The following RNF157 variants were observed in gnomAD, a reference collection of about 807,000 sequenced individuals.
The protein encoded by RNF157 is ring finger protein 157, also known as E3 ubiquitin ligase RNF157.
A neutral mutation model predicts 88.3 loss-of-function variants in RNF157; 55 were observed. That is an observed-to-expected ratio of 0.62 (90% CI 0.50 to 0.78). The LOEUF is 0.78. Ranked by LOEUF, RNF157 falls within the 30% of genes least tolerant of loss-of-function variation. The pLI is 0.00. For missense variants in RNF157, 788 were observed against 860.8 expected (o/e 0.92, Z 1.06); for synonymous variants, 334 against 341.2 (o/e 0.98, Z 0.23).
At chr17:76,198,145 G>A (rs1306801961) in intron 2 of RNF157, among the ~76,000 whole-genome samples, 2 of 152,218 alleles carry the variant, frequency 1.3e-5, no homozygotes, top group Non-Finnish European at 2.9e-5. Flanking sequence ...CCTGCAAAGA[G>A]AGGAGAGGGC....
chr17:76,213,622 T>G (rs112795063), intron 1 of RNF157, among the ~76,000 whole-genome samples: 36 of 152,108 alleles, frequency 2.4e-4, no homozygotes, highest in African/African-American at 8.7e-4. Flanking sequence ...CTTTTTTTTT[T>G]GTCTTTACAT....
At chr17:76,215,011 A>T (rs1242135118) in intron 1 of RNF157, among the ~76,000 whole-genome samples, 2 of 152,148 alleles carry the variant, frequency 1.3e-5, no homozygotes, top group Non-Finnish European at 2.9e-5. Context: ...CACATCCCAT[A>T]ATATACCTTT....
Position 76,161,756 on chromosome 17 carries a change from CCAG to C in RNF157, c.952+84_952+86del. The C allele has an allele frequency of 1.3e-6, 2 of 1,549,594 alleles. No individual in the cohort carries two copies. The highest frequency in any genetic ancestry group is 1.8e-6 in the Non-Finnish European group (2 of 1,132,150). On this transcript the variant is annotated intron_variant, in intron 10 of 18. Coordinates refer to ENST00000269391, the MANE Select transcript of RNF157 (RefSeq NM_052916.3). The surrounding 1 kb of genome is among the most constrained non-coding windows in gnomAD (Gnocchi z 4.6). Reference sequence around the variant, plus strand: ...CCCAGCGCGCATCCGTTTGTCAGATCCAGCAGCAGCACATGCTTCAGTGTTTTG... The same window carrying C: ...CCCAGCGCGCATCCGTTTGTCAGATCCAGCAGCACATGCTTCAGTGTTTTG...
intron 2 of RNF157, among the ~76,000 whole-genome samples, chr17:76,183,851 T>C (rs945659047): frequency 1.1e-4 from 17 of 152,046 alleles, no homozygotes; most frequent in Non-Finnish European, 2.1e-4. Context: ...ACCAAAAATA[T>C]GCTTCCAAAG....
chr17:76,152,588 A>G, intron 17 of RNF157, 123 bp from the exon 18 acceptor site: 10 of 677,188 alleles, frequency 1.5e-5, no homozygotes, highest in Non-Finnish European at 2.1e-5. Flanking sequence ...AAAAAAAGAC[A>G]ATAATTAAGC....
intron 18 of RNF157, among the ~76,000 whole-genome samples, chr17:76,145,770 C>T (rs1055744206): frequency 1.3e-5 from 2 of 152,192 alleles, no homozygotes; most frequent in African/African-American, 4.8e-5. Context: ...AGTGAGAAGA[C>T]TGTTCGTTCT....
Position 76,236,550 on chromosome 17 carries a change from T to G in RNF157, c.88+3603A>C, listed in dbSNP as rs111713374. On this transcript the variant is annotated intron_variant, in intron 1 of 18. Transcript: ENST00000269391. ...AATACAGTAGAACCGTGCTCTAAAT[T>G]GCTTTCTATGCTAATGTAGAAATGC... is the stretch of plus-strand genomic sequence containing the variant. Among the ~76,000 whole-genome samples, 962 of 152,328 alleles carry G rather than the reference T, an allele frequency of 6.3e-3. 7 individuals carry two copies. The highest frequency in any genetic ancestry group is 0.021 in the African/African-American group (890 of 41,586).
intron 1 of RNF157, chr17:76,226,658 G>C (rs2070092595): frequency 6.2e-7 from 1 of 1,612,430 alleles, no homozygotes; most frequent in Admixed American, 1.7e-5. Flanking sequence ...CTTGTCGCTG[G>C]AGAACCCATG....
intron 2 of RNF157, chr17:76,175,895 A>G (rs778597805): frequency 2.3e-4 from 129 of 564,142 alleles, no homozygotes; most frequent in Non-Finnish European, 2.8e-4. Flanking sequence ...ATATTTGATG[A>G]TAACTGTGGC....
chr17:76,218,771 T>C (rs2069932732), intron 1 of RNF157, among the ~76,000 whole-genome samples: 2 of 151,864 alleles, frequency 1.3e-5, no homozygotes, highest in Non-Finnish European at 2.9e-5. Flanking sequence ...TCGTCTCTAC[T>C]AAAAATACAA....
Position 76,156,269 on chromosome 17 carries a change from G to A in RNF157, c.1466C>T (p.Ala489Val). The A allele has an allele frequency of 6.2e-7, 1 of 1,614,160 alleles. No homozygotes were observed. The highest frequency in any genetic ancestry group is 8.5e-7 in the Non-Finnish European group (1 of 1,180,014). ...SENLTLSSSGAIDQSSCTGTP... is the reference protein window; with the variant it reads ...SENLTLSSSGVIDQSSCTGTP... Reference sequence around the variant, plus strand: ...CCCTGTGCAAGACGACTGGTCAATAGCTCCAGATGACGACAAGGTGAGATT... The same window carrying A: ...CCCTGTGCAAGACGACTGGTCAATAACTCCAGATGACGACAAGGTGAGATT... Residue 489 changes from alanine (A) to valine (V), a missense_variant, in exon 14 of 19, where the codon GCT (alanine) becomes GTT (valine). By Grantham distance (64) the Ala-to-Val change is moderately conservative. Transcript: ENST00000269391.
At chr17:76,152,610 G>T in intron 17 of RNF157, 145 bp from the exon 18 acceptor site, 1 of 609,244 alleles carries the variant, frequency 1.6e-6, no homozygotes. Context: ...GATAAAGAGT[G>T]GACAAGAAAG....
chr17:76,206,829 T>C (rs1243969822), intron 2 of RNF157, among the ~76,000 whole-genome samples: 1 of 152,170 alleles, frequency 6.6e-6, no homozygotes, highest in Non-Finnish European at 1.5e-5. Flanking sequence ...CAAGTAGCTG[T>C]AGAAATAACC....
rs2068540053 is a variant in RNF157, at chr17:76,143,232, G to C, written c.*2003C>G. The stretch of plus-strand genomic sequence containing the variant: ...AATCTTTCCGTGCTTCTCCCTAGGA[G>C]AGGACTAAGCACCTGCTGCGAGGAA... On this transcript the variant is annotated 3_prime_UTR_variant, in exon 19 of 19. Coordinates refer to ENST00000269391, the MANE Select transcript of RNF157 (RefSeq NM_052916.3). 6.6e-6 allele frequency: 1 copy of C among 152,308 alleles called. No homozygotes were observed. Among genetic ancestry groups the C allele is most frequent in the African/African-American group, 2.4e-5 (1 of 41,446 alleles). 9.4% of individuals were successfully genotyped at this position (152,308 alleles called of 1,614,324 possible). A position where few individuals can be genotyped will look rare whatever the true frequency, so the allele number is the denominator to read the frequency against.
intron 18 of RNF157, 99 bp downstream of exon 18, chr17:76,152,256 G>C: frequency 2.5e-6 from 2 of 805,572 alleles, no homozygotes; most frequent in Non-Finnish European, 4.3e-6. Context: ...TTCTTGGCAG[G>C]AACTGCAGGG....
chr17:76,217,713 T>TA (rs2069913306), intron 1 of RNF157, among the ~76,000 whole-genome samples: 1 of 152,214 alleles, frequency 6.6e-6, no homozygotes, highest in Non-Finnish European at 1.5e-5. Context: ...CACTCACAGA[T>TA]AAACTGCAGA....
At position 76,154,012 on chromosome 17, in the gene RNF157, A is replaced by G; in HGVS notation, c.1810+271T>C. The G allele has an allele frequency of 7.4e-6, 3 of 407,576 alleles. No homozygotes were observed. The East Asian group carries it at 1.5e-4, about 21-fold the overall frequency. 25.2% of individuals were successfully genotyped at this position (407,576 alleles called of 1,614,324 possible). On this transcript the variant is annotated intron_variant, in intron 17 of 18. Coordinates refer to ENST00000269391, the MANE Select transcript of RNF157 (RefSeq NM_052916.3). The stretch of plus-strand genomic sequence containing the variant: ...AGCTGCTTAGAGAGCTTCCGAATCT[A>G]CTTCAGGTAAATATGGACCTGTATG...
rs147567353 is a variant in RNF157 at position 76,156,196 on chromosome 17, C to T, written c.1525+14G>A. 1.6e-3 allele frequency: 2,535 copies of T among 1,601,840 alleles called. 33 individuals carry two copies. The African/African-American group carries it at 0.027, about 17-fold the overall frequency. ...GGGGGAAGGACATGCAGCCACTCCC[C>T]GCTCCTTATGTACCTTCTGGGGAGG... On this transcript the variant is annotated intron_variant, in intron 14 of 18. Coordinates refer to ENST00000269391, the MANE Select transcript of RNF157 (RefSeq NM_052916.3).
At chr17:76,206,102 G>A (rs1018176536) in intron 2 of RNF157, among the ~76,000 whole-genome samples, 10 of 151,988 alleles carry the variant, frequency 6.6e-5, no homozygotes, top group Non-Finnish European at 1.0e-4. Flanking sequence ...ATGGTGGGGC[G>A]TGCTTGTAGT....
Sources: allele counts gnomAD v4.1 joint callset (sites outside exome capture counted in the v4.1 genomes callset), GRCh38; gene constraint gnomAD v4.1.1; non-coding constraint Gnocchi (gnomAD v3.1); transcripts MANE v1.5; gene names NCBI Gene and HGNC (gene_info 2026-07-23, HGNC 2026-07-21).